SSBP3: variants seen among roughly 807,000 people sequenced by gnomAD.
SSBP3 encodes single-stranded DNA-binding protein 3.
SSBP3 carries 5 observed loss-of-function variants against 69.6 expected under a neutral mutation model. The ratio of observed to expected loss-of-function variants is 0.07; its 90% CI spans 0.04 to 0.15. The LOEUF is 0.15. Among genes scored for constraint, SSBP3 ranks in the 10% least tolerant of loss-of-function variants. The probability of loss-of-function intolerance (pLI) is 1.00; values close to 1 mark genes in which losing one functional copy is unlikely to be tolerated. For missense variants in SSBP3, 312 were observed against 534.0 expected (o/e 0.58, Z 4.10); for synonymous variants, 196 against 193.4 (o/e 1.01, Z -0.11).
At chr1:54,264,526 A>G (rs6588510) in intron 5 of SSBP3, among the ~76,000 whole-genome samples, 2,551 of 152,296 alleles carry the variant, frequency 0.017, 73 homozygotes, top group African/African-American at 0.056. Flanking sequence ...CATGCCTGGG[A>G]GGCGAAGTGT....
chr1:54,256,109 A>C (rs926866280), intron 7 of SSBP3, among the ~76,000 whole-genome samples: 1 of 151,950 alleles, frequency 6.6e-6, no homozygotes, highest in Non-Finnish European at 1.5e-5. Flanking sequence ...GACCCCTGGT[A>C]ATGAGCATCT....
chr1:54,289,037 CAAAAAAACA>C (rs1645552016), intron 4 of SSBP3, among the ~76,000 whole-genome samples: 1 of 62,060 alleles, frequency 1.6e-5, no homozygotes, highest in Non-Finnish European at 3.0e-5. Flanking sequence ...AAAAAAAAAA[CAAAAAAACA>C]AAAAAAAAAA....
At chr1:54,334,553 T>C (rs1646476209) in intron 4 of SSBP3, among the ~76,000 whole-genome samples, 1 of 152,168 alleles carries the variant, frequency 6.6e-6, no homozygotes. Context: ...GTCCCGCCAC[T>C]TTCTTGCAGT....
chr1:54,406,985 C>T (rs546117094), upstream of SSBP3, among the ~76,000 whole-genome samples: 1 of 152,090 alleles, frequency 6.6e-6, no homozygotes, highest in African/African-American at 2.4e-5. Context: ...GCCTCCCTCT[C>T]GCCCAGTCTG....
chr1:54,342,132 G>A (rs1160683357), intron 4 of SSBP3, among the ~76,000 whole-genome samples: 2 of 151,330 alleles, frequency 1.3e-5, no homozygotes, highest in African/African-American at 4.9e-5. Flanking sequence ...AGGTACTGAT[G>A]GCCCAAGGCA....
chr1:54,402,424 A>G (rs1034114336), intron 3 of SSBP3, among the ~76,000 whole-genome samples: 4 of 152,312 alleles, frequency 2.6e-5, no homozygotes, highest in African/African-American at 9.6e-5. Flanking sequence ...TCAGAACACA[A>G]CTATGATTCA....
At chr1:54,279,257 C>T (rs1266760007) in intron 5 of SSBP3, among the ~76,000 whole-genome samples, 1 of 152,212 alleles carries the variant, frequency 6.6e-6, no homozygotes, top group African/African-American at 2.4e-5. Flanking sequence ...AAAGTTACCT[C>T]TGTTTGATGG....
intron 4 of SSBP3, among the ~76,000 whole-genome samples, chr1:54,400,697 C>G (rs1211815179): frequency 6.6e-6 from 1 of 152,248 alleles, no homozygotes; most frequent in Non-Finnish European, 1.5e-5. Flanking sequence ...ATTGAATATT[C>G]TCAAAACCAG....
intron 4 of SSBP3, among the ~76,000 whole-genome samples, chr1:54,341,483 A>G (rs1328320716): frequency 1.3e-5 from 2 of 152,164 alleles, no homozygotes; most frequent in Admixed American, 1.3e-4. Context: ...CAAAGAGAAT[A>G]GATGCCGACC....
chr1:54,352,064 G>A (rs943437115), intron 4 of SSBP3, among the ~76,000 whole-genome samples: 1 of 152,140 alleles, frequency 6.6e-6, no homozygotes, highest in African/African-American at 2.4e-5. Context: ...GGGAGGTCGA[G>A]GCAGGAGGAT....
intron 5 of SSBP3, among the ~76,000 whole-genome samples, chr1:54,259,579 A>G (rs1644982193): frequency 6.6e-6 from 1 of 152,232 alleles, no homozygotes; most frequent in Admixed American, 6.5e-5. Flanking sequence ...CAAAATGTGC[A>G]CAGGGGGTGA....
At chr1:54,243,804 G>C (rs922700828) in intron 9 of SSBP3, among the ~76,000 whole-genome samples, 1 of 152,240 alleles carries the variant, frequency 6.6e-6, no homozygotes, top group Non-Finnish European at 1.5e-5. Context: ...ACCTGCCCCA[G>C]GTCCAGGTGG....
intron 9 of SSBP3, 128 bp from the exon 10 acceptor site, chr1:54,243,427 T>G (rs546608573): frequency 8.3e-7 from 1 of 1,203,076 alleles, no homozygotes; most frequent in South Asian, 1.3e-5. Context: ...GAAAAAATAA[T>G]ACATTCTTTC....
At chr1:54,254,114 C>T (rs754121907) in intron 7 of SSBP3, among the ~76,000 whole-genome samples, 4 of 152,240 alleles carry the variant, frequency 2.6e-5, no homozygotes, top group Non-Finnish European at 4.4e-5. Flanking sequence ...GGAAAAACAA[C>T]GGCTCATATA....
At chr1:54,250,884 C>T (rs1401986784) in intron 9 of SSBP3, among the ~76,000 whole-genome samples, 2 of 152,152 alleles carry the variant, frequency 1.3e-5, no homozygotes, top group African/African-American at 4.8e-5. Flanking sequence ...GCTTGGACAC[C>T]CCTACCTGGG....
chr1:54,338,598 T>C (rs1358732696), intron 4 of SSBP3, among the ~76,000 whole-genome samples: 1 of 152,228 alleles, frequency 6.6e-6, no homozygotes, highest in Non-Finnish European at 1.5e-5. Flanking sequence ...CGGCAATATA[T>C]ATACTAAAGG....
intron 4 of SSBP3, among the ~76,000 whole-genome samples, chr1:54,383,070 A>G (rs1269634350): frequency 6.8e-6 from 1 of 148,058 alleles, no homozygotes; most frequent in Non-Finnish European, 1.5e-5. Flanking sequence ...AAGAAAGAAA[A>G]GAAAGAAAAG....
chr1:54,289,364 C>T (rs911264110), intron 4 of SSBP3, among the ~76,000 whole-genome samples: 8 of 149,886 alleles, frequency 5.3e-5, no homozygotes, highest in Non-Finnish European at 1.0e-4. Context: ...GGCAAATTAC[C>T]CTGAGAGGAG....
intron 5 of SSBP3, among the ~76,000 whole-genome samples, chr1:54,262,328 G>A (rs572192438): frequency 2.3e-3 from 352 of 152,290 alleles, no homozygotes; most frequent in Admixed American, 3.9e-3. Context: ...GCCAGGCCTC[G>A]ATGTCTGATT....
Sources: gnomAD v4.1 joint callset for allele counts (sites outside exome capture counted in the v4.1 genomes callset) on GRCh38, gnomAD v4.1.1 for gene constraint, MANE v1.5 for transcripts, NCBI Gene and HGNC (gene_info 2026-07-23, HGNC 2026-07-21) for gene names.